The following RAP2A variants were observed in gnomAD, a reference collection of about 807,000 sequenced individuals.
RAP2A encodes the protein ras-related protein Rap-2a.
Under a neutral mutation model 15.1 loss-of-function variants are expected in RAP2A, and 5 were observed. That is an observed-to-expected ratio of 0.33 (90% CI 0.17 to 0.70). RAP2A has a LOEUF of 0.70. Among genes scored for constraint, RAP2A ranks in the 30% least tolerant of loss-of-function variants. RAP2A has a pLI of 0.68. For synonymous variants in RAP2A, 110 were observed against 99.7 expected (o/e 1.10, Z -0.62); for missense variants, 111 against 240.3 (o/e 0.46, Z 3.56).
intron 1 of RAP2A, among the ~76,000 whole-genome samples, chr13:97,454,048 T>A (rs910320006): frequency 6.6e-6 from 1 of 151,308 alleles, no homozygotes; most frequent in East Asian, 1.9e-4. Context: ...GATATTAGTC[T>A]TGTCGGATCG....
intron 1 of RAP2A, among the ~76,000 whole-genome samples, chr13:97,449,048 G>A (rs1316287673): frequency 1.2e-4 from 18 of 152,098 alleles, no homozygotes; most frequent in Non-Finnish European, 1.5e-5. Context: ...AGTTGCAGGG[G>A]TCTGTCAGGA....
At chr13:97,450,809 A>C (rs184890345) in intron 1 of RAP2A, among the ~76,000 whole-genome samples, 121 of 152,344 alleles carry the variant, frequency 7.9e-4, no homozygotes, top group African/African-American at 2.9e-3. Flanking sequence ...TTCTAATTAA[A>C]AAAACAGATT....
At chr13:97,459,075 C>T (rs868387550) in intron 1 of RAP2A, among the ~76,000 whole-genome samples, 2 of 152,002 alleles carry the variant, frequency 1.3e-5, no homozygotes, top group Non-Finnish European at 2.9e-5. Flanking sequence ...CATCAGTCAC[C>T]GTCTGAGCTG....
chr13:97,457,014 C>T (rs1266825414), intron 1 of RAP2A, among the ~76,000 whole-genome samples: 3 of 152,106 alleles, frequency 2.0e-5, no homozygotes, highest in East Asian at 3.9e-4. Flanking sequence ...TCAAAACTCC[C>T]GTAACACTTT....
intron 1 of RAP2A, among the ~76,000 whole-genome samples, chr13:97,439,263 T>TAGCA (rs1326163640): frequency 6.6e-6 from 1 of 152,206 alleles, no homozygotes; most frequent in Admixed American, 6.5e-5. Context: ...GTCATAGGTA[T>TAGCA]AGCAATATGT....
chr13:97,443,105 G>A (rs1002109699), intron 1 of RAP2A, among the ~76,000 whole-genome samples: 3 of 152,138 alleles, frequency 2.0e-5, no homozygotes, highest in African/African-American at 2.4e-5. Flanking sequence ...AGTTGCTGAG[G>A]AGGTTCAGAA....
rs567137911 is a variant in RAP2A, at chr13:97,455,923, A to G, written c.315-8282A>G. Among the ~76,000 whole-genome samples the G allele has an allele frequency of 1.1e-3, 161 of 151,410 alleles. 1 individual carries two copies. The highest frequency in any genetic ancestry group is 2.1e-3 in the Non-Finnish European group (144 of 67,820). ...TCTGCACTGCCACACAGTTCTTGCA[A>G]TTGGGGTCATCCTTCTGGTAAAATG... On this transcript the variant is annotated intron_variant, in intron 1 of 1. Transcript: ENST00000245304.
At position 97,434,465 on chromosome 13, in the gene RAP2A, G is replaced by A. The variant is rs2066624039; in HGVS notation, c.-6G>A. On this transcript the variant is annotated 5_prime_UTR_variant, in exon 1 of 2. Coordinates refer to ENST00000245304, the MANE Select transcript of RAP2A (RefSeq NM_021033.7). ...CGGCGGCGGCGGCGGCGGCCGCGGA[G>A]GGACGATGCGCGAGTACAAAGTGGT... is the stretch of plus-strand genomic sequence containing the variant. 2 of 1,587,800 alleles carry A rather than the reference G, an allele frequency of 1.3e-6. No homozygotes were observed. The highest frequency in any genetic ancestry group is 1.1e-5 in the South Asian group (1 of 88,438).
chr13:97,452,750 A>G (rs2066707950), intron 1 of RAP2A, among the ~76,000 whole-genome samples: 1 of 151,356 alleles, frequency 6.6e-6, no homozygotes, highest in East Asian at 1.9e-4. Flanking sequence ...TGTGTTAATA[A>G]TATTGCATCT....
intron 1 of RAP2A, among the ~76,000 whole-genome samples, chr13:97,457,455 A>G (rs151051408): frequency 0.01 from 1,583 of 152,172 alleles, 16 homozygotes; most frequent in South Asian, 0.02. Flanking sequence ...AATACGATAC[A>G]TATTATTAAA....
intron 1 of RAP2A, among the ~76,000 whole-genome samples, chr13:97,459,386 C>G (rs2066737291): frequency 6.6e-6 from 1 of 151,900 alleles, no homozygotes; most frequent in Non-Finnish European, 1.5e-5. Flanking sequence ...AGCACCTCAT[C>G]TTCCTAAATA....
intron 1 of RAP2A, among the ~76,000 whole-genome samples, chr13:97,443,941 A>G (rs2066668974): frequency 6.6e-6 from 1 of 152,208 alleles, no homozygotes; most frequent in Non-Finnish European, 1.5e-5. Context: ...ACGAACGTAA[A>G]GTGTTTCTTT....
chr13:97,468,571 CT>C lies in RAP2A; in HGVS notation c.*4130del, dbSNP rs2066782521. The C allele has an allele frequency of 1.3e-5, 2 of 152,214 alleles. No individual in the cohort carries two copies. Among genetic ancestry groups the C allele is most frequent in the African/African-American group, 4.8e-5 (2 of 41,446 alleles). The allele number at this position is 152,214 out of a possible 1,614,324, so 9.4% of individuals were successfully genotyped here. On this transcript the variant is annotated 3_prime_UTR_variant, in exon 2 of 2. Coordinates refer to ENST00000245304, the MANE Select transcript of RAP2A (RefSeq NM_021033.7). ...CTTTTGGTTATGTTGCCTTCAAACT[CT>C]GTTGAAATCCTCTGGCAGCATTCCA...
In RAP2A at chr13:97,434,308, TGCC is replaced by T. The variant is rs1162266985; in HGVS notation, c.-149_-147del. 166 of 297,942 alleles carry T rather than the reference TGCC, an allele frequency of 5.6e-4. No individual in the cohort carries two copies. The highest frequency in any genetic ancestry group is 7.0e-4 in the Non-Finnish European group (149 of 211,990). 18.5% of individuals were successfully genotyped at this position (297,942 alleles called of 1,614,324 possible). On this transcript the variant is annotated 5_prime_UTR_variant, in exon 1 of 2. Coordinates refer to ENST00000245304, the MANE Select transcript of RAP2A (RefSeq NM_021033.7). ...TGCCCAGGGCCGCTGCTCCCTCAGT[TGCC>T]GCCGCCGCCGCCGGCGCCCAGGGGG...
At chr13:97,459,637 A>G (rs2066738257) in intron 1 of RAP2A, among the ~76,000 whole-genome samples, 2 of 152,222 alleles carry the variant, frequency 1.3e-5, no homozygotes, top group Non-Finnish European at 2.9e-5. Flanking sequence ...TAGAACCTGC[A>G]CGGTAGGGAG....
intron 1 of RAP2A, among the ~76,000 whole-genome samples, chr13:97,439,074 A>C (rs79543341): frequency 0.021 from 3,170 of 152,258 alleles, 49 homozygotes; most frequent in Middle Eastern, 0.034. Context: ...TTCCAGATGG[A>C]GGAAATGGCA....
chr13:97,434,853 G>T, intron 1 of RAP2A, 69 bp downstream of exon 1: 1 of 1,578,324 alleles, frequency 6.3e-7, no homozygotes. Flanking sequence ...GGAACTCCCC[G>T]CGCGGGGCTC....
Position 97,462,284 on chromosome 13 carries a change from A to T in RAP2A, c.315-1921A>T, listed in dbSNP as rs907610504. Among the ~76,000 whole-genome samples the T allele has an allele frequency of 2.6e-5, 4 of 152,006 alleles. No individual in the cohort carries two copies. In the South Asian group the frequency reaches 8.3e-4, roughly 31 times the overall value. On this transcript the variant is annotated intron_variant, in intron 1 of 1. Transcript: ENST00000245304. ...AGTACACTGTGATGTATATACTTTC[A>T]TAAGAAAAACGAAATGTAATTACAT...
At chr13:97,461,789 C>G (rs1281825774) in intron 1 of RAP2A, among the ~76,000 whole-genome samples, 2 of 151,560 alleles carry the variant, frequency 1.3e-5, no homozygotes, top group East Asian at 3.9e-4. Flanking sequence ...CGATGAAACC[C>G]TGTCTCTACT....
Sources: gnomAD v4.1 joint callset for allele counts (sites outside exome capture counted in the v4.1 genomes callset) on GRCh38, gnomAD v4.1.1 for gene constraint, MANE v1.5 for transcripts, NCBI Gene and HGNC (gene_info 2026-07-23, HGNC 2026-07-21) for gene names.